MGAT4C: variants seen among roughly 807,000 people sequenced by gnomAD.
MGAT4C encodes the protein alpha-1,3-mannosyl-glycoprotein 4-beta-N-acetylglucosaminyltransferase C.
MGAT4C carries 19 observed loss-of-function variants against 40.1 expected under a neutral mutation model. That is an observed-to-expected ratio of 0.47 (90% CI 0.33 to 0.70). MGAT4C has a LOEUF of 0.70. Ranked by LOEUF, MGAT4C falls within the 30% of genes least tolerant of loss-of-function variation. MGAT4C has a pLI of 0.02. For synonymous variants in MGAT4C, 181 were observed against 187.1 expected, an observed-to-expected ratio of 0.97 and a Z score of 0.27; for missense variants, 491 against 563.2, an observed-to-expected ratio of 0.87 and a Z score of 1.30.
chr12:86,736,415 C>T (rs868044329), intron 1 of MGAT4C, among the ~76,000 whole-genome samples: 11 of 151,710 alleles, frequency 7.3e-5, no homozygotes, highest in Middle Eastern at 3.2e-3. Flanking sequence ...CCTTATTATC[C>T]GGCTTAAATT....
rs112727437 is a variant in MGAT4C at position 86,533,826 on chromosome 12, C to T, written c.-228-98561G>A. On this transcript the variant is annotated intron_variant, in intron 2 of 7. Coordinates refer to the MGAT4C transcript ENST00000548651. ...TGATGGGAAGCACCCCCACCACCCA[C>T]CCCCAACATTTCTCATTATATATTC... is the stretch of plus-strand genomic sequence containing the variant. 3.2e-3 allele frequency among the ~76,000 whole-genome samples: 491 copies of T among 151,252 alleles called. 1 individual carries two copies. Among genetic ancestry groups the T allele is most frequent in the African/African-American group, 0.011 (473 of 41,256 alleles).
chr12:86,125,046 A>G (rs1880021585), intron 1 of MGAT4C, among the ~76,000 whole-genome samples: 1 of 152,194 alleles, frequency 6.6e-6, no homozygotes, highest in South Asian at 2.1e-4. Flanking sequence ...ACCTGTTTGT[A>G]TCTGACAACT....
chr12:86,343,747 C>G (rs974998051), intron 3 of MGAT4C, among the ~76,000 whole-genome samples: 1 of 152,192 alleles, frequency 6.6e-6, no homozygotes, highest in Non-Finnish European at 1.5e-5. Context: ...TCTTATCTAT[C>G]GATCTTCCCC....
At chr12:86,528,626 T>C (rs1199907827) in intron 2 of MGAT4C, among the ~76,000 whole-genome samples, 1 of 152,068 alleles carries the variant, frequency 6.6e-6, no homozygotes, top group East Asian at 1.9e-4. Flanking sequence ...TATGAACTTA[T>C]GCAAAAATTA....
intron 3 of MGAT4C, among the ~76,000 whole-genome samples, chr12:86,401,684 A>G (rs1282893037): frequency 6.6e-6 from 1 of 152,208 alleles, no homozygotes; most frequent in Non-Finnish European, 1.5e-5. Context: ...GTCTTGTGAC[A>G]TATTTCTAGC....
intron 1 of MGAT4C, among the ~76,000 whole-genome samples, chr12:86,739,409 A>G (rs1379918268): frequency 1.3e-5 from 2 of 151,000 alleles, no homozygotes; most frequent in African/African-American, 4.8e-5. Flanking sequence ...TCTTTTAATA[A>G]CATCCAAACT....
At chr12:86,544,718 G>A (rs943622343) in intron 2 of MGAT4C, among the ~76,000 whole-genome samples, 1 of 152,012 alleles carries the variant, frequency 6.6e-6, no homozygotes, top group Non-Finnish European at 1.5e-5. Context: ...ACAGGGAATG[G>A]CTTGCTATAA....
At chr12:86,727,026 A>G (rs188736803) in intron 2 of MGAT4C, among the ~76,000 whole-genome samples, 1 of 152,250 alleles carries the variant, frequency 6.6e-6, no homozygotes, top group Non-Finnish European at 1.5e-5. Flanking sequence ...CTCTATTGTA[A>G]TCACATCTTC....
chr12:85,995,160 T>C (rs1021062274), intron 2 of MGAT4C, among the ~76,000 whole-genome samples: 19 of 152,036 alleles, frequency 1.2e-4, no homozygotes, highest in African/African-American at 4.6e-4. Flanking sequence ...AGAAACCAAA[T>C]AGGTAAGCCC....
intron 2 of MGAT4C, among the ~76,000 whole-genome samples, chr12:86,695,692 T>G (rs955761166): frequency 6.6e-6 from 1 of 152,112 alleles, no homozygotes; most frequent in Non-Finnish European, 1.5e-5. Context: ...CATCACATGT[T>G]CTCACTTATT....
chr12:86,222,160 T>C (rs1187856180), intron 1 of MGAT4C, among the ~76,000 whole-genome samples: 1 of 152,152 alleles, frequency 6.6e-6, no homozygotes, highest in African/African-American at 2.4e-5. Context: ...AAGTATGAGG[T>C]CAAAATGCAC....
At chr12:86,535,668 G>T (rs1295697868) in intron 2 of MGAT4C, among the ~76,000 whole-genome samples, 2 of 152,022 alleles carry the variant, frequency 1.3e-5, no homozygotes, top group Admixed American at 6.6e-5. Flanking sequence ...AAAAGAACTT[G>T]TACAAATCTA....
intron 1 of MGAT4C, among the ~76,000 whole-genome samples, chr12:86,817,437 G>A (rs568026761): frequency 1.3e-5 from 2 of 151,574 alleles, no homozygotes; most frequent in African/African-American, 2.4e-5. Context: ...TTGGATGAAT[G>A]TTCCACGTGT....
Position 86,392,515 on chromosome 12 carries a change from T to A in MGAT4C, c.-120+42642A>T, listed in dbSNP as rs539940765. 4.7e-4 allele frequency among the ~76,000 whole-genome samples: 71 copies of A among 152,130 alleles called. 1 individual carries two copies. In the South Asian group the frequency reaches 0.013, roughly 27 times the overall value. On this transcript the variant is annotated intron_variant, in intron 3 of 7. Coordinates refer to the MGAT4C transcript ENST00000548651. ...ACAACAACAAACCAGAAGAATTAGGTACTGTCAATGAGTAATAAGTGCTCC... is the reference window on the plus strand; with the variant it reads ...ACAACAACAAACCAGAAGAATTAGGAACTGTCAATGAGTAATAAGTGCTCC...
chr12:86,429,929 T>C (rs974164002), intron 3 of MGAT4C, among the ~76,000 whole-genome samples: 2 of 152,188 alleles, frequency 1.3e-5, no homozygotes, highest in African/African-American at 4.8e-5. Flanking sequence ...AATCTCTTGA[T>C]GGTGTCCCAT....
intron 4 of MGAT4C, among the ~76,000 whole-genome samples, chr12:86,277,390 T>G (rs1346465051): frequency 2.6e-5 from 4 of 152,216 alleles, no homozygotes; most frequent in Non-Finnish European, 5.9e-5. Flanking sequence ...AAAAGCTGTT[T>G]AACTTGACGT....
At chr12:86,247,574 C>A (rs1952087763) in intron 1 of MGAT4C, among the ~76,000 whole-genome samples, 1 of 152,144 alleles carries the variant, frequency 6.6e-6, no homozygotes, top group African/African-American at 2.4e-5. Context: ...TATCTGGCCT[C>A]ATCAGGAAGG....
At chr12:86,125,067 G>C (rs1211210253) in intron 1 of MGAT4C, among the ~76,000 whole-genome samples, 3 of 152,146 alleles carry the variant, frequency 2.0e-5, no homozygotes, top group Admixed American at 1.3e-4. Flanking sequence ...GCTCTTATCA[G>C]GAAAGTTGGC....
chr12:86,706,764 T>C (rs1950466759), intron 2 of MGAT4C, among the ~76,000 whole-genome samples: 1 of 152,138 alleles, frequency 6.6e-6, no homozygotes, highest in Non-Finnish European at 1.5e-5. Context: ...ATGTCATCCT[T>C]TTAAAGTGTT....
Sources: allele counts gnomAD v4.1 joint callset (sites outside exome capture counted in the v4.1 genomes callset), GRCh38; gene constraint gnomAD v4.1.1; transcripts MANE v1.5; gene names NCBI Gene and HGNC (gene_info 2026-07-23, HGNC 2026-07-21).